The following SH3GL3 variants were observed in gnomAD, a reference collection of about 807,000 sequenced individuals.
SH3GL3 encodes the protein SH3 domain containing GRB2 like 3, endophilin A3.
In SH3GL3, 33 loss-of-function variants were observed where a neutral mutation model predicts 47.7. The ratio of observed to expected loss-of-function variants is 0.69; its 90% CI spans 0.52 to 0.92. The LOEUF (loss-of-function observed/expected upper bound fraction) is 0.92, where lower values mean the gene tolerates loss of function less well. SH3GL3 is among the 40% of genes least tolerant of loss of function. The probability of loss-of-function intolerance (pLI) is 0.00; values close to 1 mark genes in which losing one functional copy is unlikely to be tolerated. For synonymous variants in SH3GL3, 155 were observed against 148.8 expected, an observed-to-expected ratio of 1.04 and a Z score of -0.30; for missense variants, 363 against 417.8, an observed-to-expected ratio of 0.87 and a Z score of 1.14.
intron 1 of SH3GL3, among the ~76,000 whole-genome samples, chr15:83,463,145 A>G (rs2151512605): frequency 6.6e-6 from 1 of 152,336 alleles, no homozygotes; most frequent in East Asian, 1.9e-4. Context: ...AAATAACTCC[A>G]CAAGAAATTC....
intron 1 of SH3GL3, among the ~76,000 whole-genome samples, chr15:83,470,787 C>T (rs139975000): frequency 6.6e-6 from 1 of 152,060 alleles, no homozygotes; most frequent in African/African-American, 2.4e-5. Flanking sequence ...TTTTTGAGTA[C>T]ACCTCTTTGT....
chr15:83,584,479 C>T (rs1182925946), intron 6 of SH3GL3, among the ~76,000 whole-genome samples: 1 of 152,124 alleles, frequency 6.6e-6, no homozygotes, highest in Non-Finnish European at 1.5e-5. Context: ...CCTCAGGCCC[C>T]CTCTGGTTTT....
At chr15:83,559,689 A>G (rs906426260) in intron 2 of SH3GL3, among the ~76,000 whole-genome samples, 6 of 152,210 alleles carry the variant, frequency 3.9e-5, no homozygotes, top group African/African-American at 1.2e-4. Context: ...GAAATGCAGA[A>G]TGATTTATTT....
At chr15:83,593,433 T>G (rs2060157558) in intron 8 of SH3GL3, among the ~76,000 whole-genome samples, 1 of 152,234 alleles carries the variant, frequency 6.6e-6, no homozygotes, top group Non-Finnish European at 1.5e-5. Flanking sequence ...TTCATCAATC[T>G]CTAAGTATTT....
At chr15:83,624,911 G>T in the SH3GL3 span, among the ~76,000 whole-genome samples, 1 of 152,136 alleles carries the variant, frequency 6.6e-6, no homozygotes, top group Non-Finnish European at 1.5e-5. Context: ...TTTAGGAGCC[G>T]CTTTTCATCT....
chr15:83,585,609 T>G (rs918866298), intron 6 of SH3GL3, among the ~76,000 whole-genome samples: 2 of 152,176 alleles, frequency 1.3e-5, no homozygotes, highest in Non-Finnish European at 2.9e-5. Context: ...TATTTAAAAG[T>G]ACGTGTAAAA....
At chr15:83,578,353 C>T (rs2059741367) in intron 6 of SH3GL3, among the ~76,000 whole-genome samples, 1 of 152,080 alleles carries the variant, frequency 6.6e-6, no homozygotes, top group South Asian at 2.1e-4. Flanking sequence ...TAGTATGGGA[C>T]CTAATTGTTA....
At chr15:83,570,299 C>A (rs952821511) in intron 4 of SH3GL3, among the ~76,000 whole-genome samples, 3 of 152,132 alleles carry the variant, frequency 2.0e-5, no homozygotes, top group Non-Finnish European at 4.4e-5. Context: ...TTATTATAGG[C>A]TAAATTATTA....
intron 8 of SH3GL3, among the ~76,000 whole-genome samples, chr15:83,608,735 A>C (rs531812003): frequency 1.3e-5 from 2 of 150,588 alleles, no homozygotes; most frequent in African/African-American, 4.9e-5. Context: ...TTGGGTTTCT[A>C]CCCGCCCCCC....
chr15:83,575,315 C>A (rs1321460716), intron 5 of SH3GL3, among the ~76,000 whole-genome samples: 1 of 152,196 alleles, frequency 6.6e-6, no homozygotes, highest in East Asian at 1.9e-4. Flanking sequence ...ACCTGGCCAA[C>A]CACAGACACA....
chr15:83,499,122 C>T (rs904790686), intron 1 of SH3GL3, among the ~76,000 whole-genome samples: 7 of 152,162 alleles, frequency 4.6e-5, no homozygotes, highest in Middle Eastern at 3.4e-3. Flanking sequence ...CTTTGTTCTC[C>T]GTGTTCTTAC....
intron 6 of SH3GL3, among the ~76,000 whole-genome samples, chr15:83,579,263 C>T (rs1018843141): frequency 3.3e-5 from 5 of 152,202 alleles, no homozygotes; most frequent in East Asian, 1.9e-4. Flanking sequence ...GGCCTTGCTC[C>T]GGCCTGGTTG....
At position 83,448,175 on chromosome 15, in the gene SH3GL3, G is replaced by T. The variant is rs918722697; in HGVS notation, c.45+597G>T. Reference sequence around the variant, plus strand: ...GTCTTCCCGGTGTCGGCCCGGGGCTGGGCATCACGCTTCTGCTCTTACAGA... The same window carrying T: ...GTCTTCCCGGTGTCGGCCCGGGGCTTGGCATCACGCTTCTGCTCTTACAGA... On this transcript the variant is annotated intron_variant, in intron 1 of 8. Transcript: ENST00000427482. This position sits in a 1 kb window ranked among gnomAD's most constrained non-coding sequence, Gnocchi z 4.2. Among the ~76,000 whole-genome samples, 2 of 152,186 alleles carry T rather than the reference G, an allele frequency of 1.3e-5. No homozygotes were observed. Among genetic ancestry groups the T allele is most frequent in the Non-Finnish European group, 2.9e-5 (2 of 68,028 alleles).
At chr15:83,473,346 A>G (rs533025041) in intron 1 of SH3GL3, among the ~76,000 whole-genome samples, 2 of 152,018 alleles carry the variant, frequency 1.3e-5, no homozygotes, top group Non-Finnish European at 2.9e-5. Context: ...TGGCAAGGGT[A>G]GAAGTCTAGG....
At chr15:83,491,277 AC>A (rs2041864083) in intron 1 of SH3GL3, among the ~76,000 whole-genome samples, 1 of 152,216 alleles carries the variant, frequency 6.6e-6, no homozygotes, top group East Asian at 1.9e-4. Context: ...TGGAAAATTA[AC>A]CAAAATGCAA....
intron 1 of SH3GL3, among the ~76,000 whole-genome samples, chr15:83,499,408 A>AG (rs2151602033): frequency 6.6e-6 from 1 of 151,962 alleles, no homozygotes; most frequent in African/African-American, 2.4e-5. Context: ...AAAAAAAAAA[A>AG]AAAGAAAGGC....
chr15:83,535,094 G>A (rs959766636), intron 1 of SH3GL3, among the ~76,000 whole-genome samples: 44 of 139,504 alleles, frequency 3.2e-4, no homozygotes, highest in South Asian at 8.7e-4. Flanking sequence ...TACCATCTAT[G>A]TAAAAAAAAG....
chr15:83,488,654 T>C (rs1025417213), intron 1 of SH3GL3, among the ~76,000 whole-genome samples: 11 of 152,244 alleles, frequency 7.2e-5, no homozygotes, highest in African/African-American at 2.4e-4. Flanking sequence ...GAAAATTGTA[T>C]GATAAGTACA....
chr15:83,469,136 C>G (rs28825468), intron 1 of SH3GL3, among the ~76,000 whole-genome samples: 26,604 of 151,914 alleles, frequency 0.18, 2,836 homozygotes, highest in South Asian at 0.45. Context: ...ATAGTATTCC[C>G]TTATTATTGT....
Sources: allele counts gnomAD v4.1 joint callset (sites outside exome capture counted in the v4.1 genomes callset), GRCh38; gene constraint gnomAD v4.1.1; non-coding constraint Gnocchi (gnomAD v3.1); transcripts MANE v1.5; gene names NCBI Gene and HGNC (gene_info 2026-07-23, HGNC 2026-07-21).